The following IGSF21 variants were observed in gnomAD, a reference collection of about 807,000 sequenced individuals.
IGSF21 encodes the protein immunoglobulin superfamily member 21.
A neutral mutation model predicts 46.8 loss-of-function variants in IGSF21; 28 were observed. That is an observed-to-expected ratio of 0.60 (90% CI 0.44 to 0.82). The LOEUF (loss-of-function observed/expected upper bound fraction) is 0.82. Among genes scored for constraint, IGSF21 ranks in the 40% least tolerant of loss-of-function variants. The pLI is 0.00. For missense variants in IGSF21, 624 were observed against 665.5 expected, an observed-to-expected ratio of 0.94 and a Z score of 0.69; for synonymous variants, 284 against 273.6, an observed-to-expected ratio of 1.04 and a Z score of -0.38.
chr1:18,366,560 C>A (rs1023996813), intron 6 of IGSF21, among the ~76,000 whole-genome samples: 5 of 152,130 alleles, frequency 3.3e-5, no homozygotes, highest in Non-Finnish European at 7.3e-5. Context: ...GGTTGCAAAC[C>A]TGGGAGGTTG....
Position 18,376,878 on chromosome 1 carries a change from G to T in IGSF21, c.1180G>T (p.Gly394Trp). 1.2e-6 allele frequency: 2 copies of T among 1,612,936 alleles called. No individual in the cohort carries two copies. Among genetic ancestry groups the T allele is most frequent in the Non-Finnish European group, 1.7e-6 (2 of 1,179,012 alleles). Residue 394 changes from glycine to tryptophan, a missense_variant, in exon 8 of 10, where the codon GGG becomes TGG. Gly to Trp is a radical substitution (Grantham distance 184). Transcript: ENST00000251296. ...RLLDGSAEFD[G>W]KELVLERVPA... ...CCTGGACGGCAGCGCTGAGTTCGAC[G>T]GGAAGGAGCTGGTGCTGGAGCGGGT...
At position 18,367,915 on chromosome 1, in the gene IGSF21, TTC is replaced by T. The variant is rs2086184531; in HGVS notation, c.1015+2219_1015+2220del. ...CACCGCACCCAGCAGCCTTTTGATT[TTC>T]ACAGGCCACCTGCCCATACAGAAAC... On this transcript the variant is annotated intron_variant, in intron 6 of 9. Coordinates refer to ENST00000251296, the MANE Select transcript of IGSF21 (RefSeq NM_032880.5). Among the ~76,000 whole-genome samples, 4 of 152,030 alleles carry T rather than the reference TTC, an allele frequency of 2.6e-5. No homozygotes were observed. In the South Asian group the frequency reaches 8.3e-4, roughly 32 times the overall value.
rs1314333033 is a variant in IGSF21, at chr1:18,219,059, ACT to A, written c.71-8837_71-8836del. 3.3e-5 allele frequency among the ~76,000 whole-genome samples: 5 copies of A among 152,372 alleles called. No homozygotes were observed. The East Asian group carries it at 9.6e-4, about 29-fold the overall frequency. Reference sequence around the variant, plus strand: ...GAATAACAGAGAAAAAAGTATTGAAACTCACACACACAGTCTCATGGGGTGTA... The same window carrying A: ...GAATAACAGAGAAAAAAGTATTGAAACACACACACAGTCTCATGGGGTGTA... On this transcript the variant is annotated intron_variant, in intron 1 of 9. Transcript: ENST00000251296.
At chr1:18,306,239 C>T (rs1022859356) in intron 3 of IGSF21, among the ~76,000 whole-genome samples, 15 of 152,164 alleles carry the variant, frequency 9.9e-5, no homozygotes, top group African/African-American at 3.4e-4. Flanking sequence ...CATCAGCTTC[C>T]GGACACCTTG....
intron 1 of IGSF21, among the ~76,000 whole-genome samples, chr1:18,193,871 C>T (rs1387009309): frequency 1.3e-5 from 2 of 152,094 alleles, no homozygotes; most frequent in Non-Finnish European, 2.9e-5. Context: ...ATGGTTTAGC[C>T]TACAATGGAA....
chr1:18,164,857 T>C (rs1320116481), intron 1 of IGSF21, among the ~76,000 whole-genome samples: 1 of 150,574 alleles, frequency 6.6e-6, no homozygotes, highest in Non-Finnish European at 1.5e-5. Flanking sequence ...TTACATTAGG[T>C]ATATTTCCTA....
In IGSF21 at chr1:18,352,450, G is replaced by T. The variant is rs930551965; in HGVS notation, c.425-9665G>T. ...GGGCAGGTCTGGAATGGGGATCAAG[G>T]ATTTGCGTTTCTAATAAGCTCCCGG... On this transcript the variant is annotated intron_variant, in intron 4 of 9. Coordinates refer to ENST00000251296, the MANE Select transcript of IGSF21 (RefSeq NM_032880.5). Among the ~76,000 whole-genome samples, 3 of 152,168 alleles carry T rather than the reference G, an allele frequency of 2.0e-5. No homozygotes were observed. In the South Asian group the frequency reaches 6.2e-4, roughly 32 times the overall value.
intron 1 of IGSF21, among the ~76,000 whole-genome samples, chr1:18,147,452 T>G (rs954287085): frequency 5.3e-5 from 8 of 152,064 alleles, no homozygotes; most frequent in African/African-American, 1.9e-4. Context: ...GACTACAACC[T>G]TCCTGTCCTG....
chr1:18,126,602 T>C (rs573421185), intron 1 of IGSF21, among the ~76,000 whole-genome samples: 8 of 152,252 alleles, frequency 5.3e-5, no homozygotes, highest in African/African-American at 1.4e-4. Context: ...GCCCCCCTAC[T>C]TGTGGCTCCT....
chr1:18,278,248 AT>A (rs1377748881), intron 2 of IGSF21, among the ~76,000 whole-genome samples: 10 of 143,134 alleles, frequency 7.0e-5, no homozygotes, highest in African/African-American at 2.5e-4. Flanking sequence ...TTATTTATTT[AT>A]TTTATTTTGA....
At chr1:18,275,973 T>G (rs1471678763) in intron 2 of IGSF21, among the ~76,000 whole-genome samples, 1 of 152,176 alleles carries the variant, frequency 6.6e-6, no homozygotes. Flanking sequence ...TTATTGGAAT[T>G]TCTCCGCCGT....
At chr1:18,116,769 T>C (rs911586560) in intron 1 of IGSF21, among the ~76,000 whole-genome samples, 1 of 152,184 alleles carries the variant, frequency 6.6e-6, no homozygotes, top group African/African-American at 2.4e-5. Flanking sequence ...TGAACCAAGC[T>C]TATGTCTTTG....
rs1232415619 is a variant in IGSF21 at position 18,273,709 on chromosome 1, T to TA, written c.184-18156dup. ...TTTTTTAATATACTGGGTGATTTTT[T>TA]ATTGAACAGTTTCCTTATAATAGAA... On this transcript the variant is annotated intron_variant, in intron 2 of 9. Transcript: ENST00000251296. 2.0e-5 allele frequency among the ~76,000 whole-genome samples: 3 copies of TA among 151,836 alleles called. No homozygotes were observed. In the East Asian group the frequency reaches 5.8e-4, roughly 29 times the overall value.
intron 1 of IGSF21, among the ~76,000 whole-genome samples, chr1:18,143,051 G>T (rs533220346): frequency 2.0e-5 from 3 of 152,170 alleles, no homozygotes; most frequent in Non-Finnish European, 4.4e-5. Flanking sequence ...CCTTCTCTCA[G>T]GGACAGGACT....
At chr1:18,209,522 T>TGGGC (rs2084367661) in intron 1 of IGSF21, among the ~76,000 whole-genome samples, 1 of 151,866 alleles carries the variant, frequency 6.6e-6, no homozygotes, top group African/African-American at 2.4e-5. Flanking sequence ...TGGGGTGACC[T>TGGGC]TGGCTCACTG....
At chr1:18,342,067 TTGTTTG>T (rs1265574783) in intron 4 of IGSF21, among the ~76,000 whole-genome samples, 2 of 116,062 alleles carry the variant, frequency 1.7e-5, no homozygotes, top group African/African-American at 5.7e-5. Flanking sequence ...TTTTTTTTTT[TTGTTTG>T]TTTGTTTGTT....
intron 4 of IGSF21, among the ~76,000 whole-genome samples, chr1:18,343,239 C>G (rs2085860507): frequency 6.6e-6 from 1 of 152,184 alleles, no homozygotes; most frequent in African/African-American, 2.4e-5. Context: ...GCCATTTGGA[C>G]ATCTTCTTTG....
intron 2 of IGSF21, among the ~76,000 whole-genome samples, chr1:18,259,180 T>C (rs923296583): frequency 6.6e-6 from 1 of 152,234 alleles, no homozygotes; most frequent in Admixed American, 6.5e-5. Flanking sequence ...GGCCAGTTTA[T>C]GAGAGAAATC....
At chr1:18,226,117 G>C (rs534885432) in intron 1 of IGSF21, among the ~76,000 whole-genome samples, 1 of 152,224 alleles carries the variant, frequency 6.6e-6, no homozygotes, top group Non-Finnish European at 1.5e-5. Flanking sequence ...TGGCTTGCCC[G>C]GAGGTCTCCC....
Sources: gnomAD v4.1 joint callset for allele counts (sites outside exome capture counted in the v4.1 genomes callset) on GRCh38, gnomAD v4.1.1 for gene constraint, MANE v1.5 for transcripts, NCBI Gene and HGNC (gene_info 2026-07-23, HGNC 2026-07-21) for gene names.